Variants in MGAT4C observed in about 807,000 individuals in gnomAD.
MGAT4C encodes the protein alpha-1,3-mannosyl-glycoprotein 4-beta-N-acetylglucosaminyltransferase C.
MGAT4C carries 19 observed loss-of-function variants against 40.1 expected under a neutral mutation model. That is an observed-to-expected ratio of 0.47 (90% CI 0.33 to 0.70). The LOEUF is 0.70. MGAT4C is among the 30% of genes least tolerant of loss of function. The probability of loss-of-function intolerance (pLI) is 0.02; values close to 1 mark genes in which losing one functional copy is unlikely to be tolerated. For missense variants in MGAT4C, 491 were observed against 563.2 expected (o/e 0.87, Z 1.30); for synonymous variants, 181 against 187.1 (o/e 0.97, Z 0.27).
At chr12:86,616,468 G>A (rs1301207451) in intron 2 of MGAT4C, among the ~76,000 whole-genome samples, 1 of 152,118 alleles carries the variant, frequency 6.6e-6, no homozygotes. Context: ...CAAGAAGAAA[G>A]TGCAATAGTG....
At position 86,444,590 on chromosome 12, in the gene MGAT4C, C is replaced by T. The variant is rs563093342; in HGVS notation, c.-228-9325G>A. On this transcript the variant is annotated intron_variant, in intron 2 of 7. Coordinates refer to the MGAT4C transcript ENST00000548651. ...AATAGAACAATTGACTCTACCATAT[C>T]GTTGCAAATCTGACCTTACTCCAGT... Among the ~76,000 whole-genome samples the T allele has an allele frequency of 3.9e-5, 6 of 152,246 alleles. No individual in the cohort carries two copies. In the South Asian group the frequency reaches 1.0e-3, roughly 26 times the overall value.
intron 2 of MGAT4C, among the ~76,000 whole-genome samples, chr12:86,711,814 G>A (rs1339386107): frequency 6.6e-6 from 1 of 152,096 alleles, no homozygotes; most frequent in Non-Finnish European, 1.5e-5. Context: ...GAATGACCCA[G>A]TGCAAAATGA....
intron 1 of MGAT4C, among the ~76,000 whole-genome samples, chr12:86,738,223 T>C (rs1951014688): frequency 6.6e-6 from 1 of 151,450 alleles, no homozygotes; most frequent in Non-Finnish European, 1.5e-5. Context: ...TTGTTCCCTT[T>C]TTCTGGATTC....
intron 1 of MGAT4C, among the ~76,000 whole-genome samples, chr12:86,805,518 T>A (rs529554787): frequency 6.6e-6 from 1 of 152,152 alleles, no homozygotes; most frequent in South Asian, 2.1e-4. Flanking sequence ...GTCTCCAGCA[T>A]CATTCATGTT....
chr12:86,399,549 G>A (rs1956320198), intron 3 of MGAT4C, among the ~76,000 whole-genome samples: 1 of 152,162 alleles, frequency 6.6e-6, no homozygotes, highest in Admixed American at 6.5e-5. Context: ...CCAAAGTGCT[G>A]GGATTACAGG....
Position 86,470,235 on chromosome 12 carries a change from C to T in MGAT4C, c.-228-34970G>A, listed in dbSNP as rs73387880. On this transcript the variant is annotated intron_variant, in intron 2 of 7. Coordinates refer to the MGAT4C transcript ENST00000548651. ...CTCTAATTTACAGTCTTGCTTACTT[C>T]TAGAGGTGAAGAAAAGAAGTCTTCC... Among the ~76,000 whole-genome samples the T allele has an allele frequency of 3.2e-3, 488 of 152,232 alleles. 2 individuals carry two copies. The highest frequency in any genetic ancestry group is 0.011 in the African/African-American group (475 of 41,548).
At chr12:86,730,690 C>T (rs2136119601) in intron 1 of MGAT4C, among the ~76,000 whole-genome samples, 1 of 152,068 alleles carries the variant, frequency 6.6e-6, no homozygotes, top group East Asian at 1.9e-4. Flanking sequence ...AGGTAAATTT[C>T]CAGTAAAATA....
intron 2 of MGAT4C, among the ~76,000 whole-genome samples, chr12:86,010,458 T>G (rs1348260491): frequency 6.6e-6 from 1 of 152,092 alleles, no homozygotes; most frequent in Non-Finnish European, 1.5e-5. Flanking sequence ...GGCGGGCAGA[T>G]CACGAGGTCA....
At chr12:86,187,542 T>C (rs535302544) in intron 1 of MGAT4C, among the ~76,000 whole-genome samples, 4 of 148,160 alleles carry the variant, frequency 2.7e-5, no homozygotes, top group African/African-American at 4.9e-5. Context: ...TTGCCTTTTC[T>C]AGAATGTCAC....
chr12:86,541,420 G>T (rs1959167041), intron 2 of MGAT4C, among the ~76,000 whole-genome samples: 1 of 152,154 alleles, frequency 6.6e-6, no homozygotes, highest in African/African-American at 2.4e-5. Flanking sequence ...TTATGCAAAA[G>T]TTCAAAATAC....
intron 2 of MGAT4C, among the ~76,000 whole-genome samples, chr12:86,439,122 T>C (rs1957185639): frequency 6.6e-6 from 1 of 151,930 alleles, no homozygotes; most frequent in Admixed American, 6.6e-5. Flanking sequence ...CTACAGCAAA[T>C]GAACCTAACA....
chr12:86,700,361 G>T (rs1487097879), intron 2 of MGAT4C, among the ~76,000 whole-genome samples: 1 of 151,926 alleles, frequency 6.6e-6, no homozygotes. Flanking sequence ...TGTAAGCTCA[G>T]ACATAAACAT....
chr12:86,790,121 G>A (rs1329349932), intron 1 of MGAT4C, among the ~76,000 whole-genome samples: 1 of 152,072 alleles, frequency 6.6e-6, no homozygotes. Context: ...AGAAACTGAG[G>A]CACAGGAATT....
At chr12:86,464,612 A>G (rs185703126) in intron 2 of MGAT4C, among the ~76,000 whole-genome samples, 31 of 152,272 alleles carry the variant, frequency 2.0e-4, no homozygotes, top group Admixed American at 2.0e-3. Context: ...CTAAACAATC[A>G]TTTAAAATTT....
intron 2 of MGAT4C, among the ~76,000 whole-genome samples, chr12:86,528,971 G>T (rs374023801): frequency 1.9e-4 from 29 of 150,866 alleles, no homozygotes; most frequent in African/African-American, 6.6e-4. Context: ...TAAAATAAAA[G>T]TTGAAAAAAA....
intron 1 of MGAT4C, among the ~76,000 whole-genome samples, chr12:86,076,138 C>T (rs1330812368): frequency 6.6e-6 from 1 of 152,146 alleles, no homozygotes; most frequent in Non-Finnish European, 1.5e-5. Flanking sequence ...TTTATTTTGC[C>T]AGATACCCTA....
intron 1 of MGAT4C, among the ~76,000 whole-genome samples, chr12:86,821,008 C>T (rs2136226520): frequency 6.6e-6 from 1 of 151,044 alleles, no homozygotes; most frequent in Non-Finnish European, 1.5e-5. Flanking sequence ...GAAAGCAATT[C>T]TTAGCCCATG....
Position 85,965,520 on chromosome 12 carries a change from C to T in MGAT4C, c.*13769G>A, listed in dbSNP as rs1213577878. 3 of 150,486 alleles carry T rather than the reference C, an allele frequency of 2.0e-5. No homozygotes were observed. The highest frequency in any genetic ancestry group is 4.9e-5 in the African/African-American group (2 of 40,654). The allele number at this position is 150,486 out of a possible 1,614,324, so 9.3% of individuals were successfully genotyped here. A position where few individuals can be genotyped will look rare whatever the true frequency, so the allele number is the denominator to read the frequency against. On this transcript the variant is annotated 3_prime_UTR_variant, in exon 5 of 5. Transcript: ENST00000611864. ...GCTGAGGCAGGAGAATGGCGTGACC[C>T]CAGGAGGTGGAACTTGCAGTGAGCG...
At chr12:86,061,941 G>A (rs1894021676) in intron 1 of MGAT4C, among the ~76,000 whole-genome samples, 1 of 152,106 alleles carries the variant, frequency 6.6e-6, no homozygotes, top group South Asian at 2.1e-4. Context: ...GTGGCTGTGG[G>A]CACAGCTTCA....
Sources: allele counts gnomAD v4.1 joint callset (sites outside exome capture counted in the v4.1 genomes callset), GRCh38; gene constraint gnomAD v4.1.1; transcripts MANE v1.5; gene names NCBI Gene and HGNC (gene_info 2026-07-23, HGNC 2026-07-21).